Variants in FGF13 observed in about 807,000 individuals in gnomAD.
FGF13 encodes fibroblast growth factor homologous factor 2.
Under a neutral mutation model 19.5 loss-of-function variants are expected in FGF13, and 2 were observed. That is an observed-to-expected ratio of 0.10 (90% CI 0.04 to 0.32). The LOEUF (loss-of-function observed/expected upper bound fraction) is 0.32, where lower values mean the gene tolerates loss of function less well. Ranked by LOEUF, FGF13 falls within the 10% of genes least tolerant of loss-of-function variation. The probability of loss-of-function intolerance (pLI) is 1.00; values close to 1 mark genes in which losing one functional copy is unlikely to be tolerated. For synonymous variants in FGF13, 72 were observed against 76.9 expected (o/e 0.94, Z 0.33); for missense variants, 113 against 192.7 (o/e 0.59, Z 2.45).
At chrX:138,842,598 ATG>A (rs2091156282) in intron 3 of FGF13, among the ~76,000 whole-genome samples, 1 of 110,761 alleles carries the variant, frequency 9.0e-6, no homozygotes, top group Admixed American at 9.7e-5. Context: ...TTCAGAATAT[ATG>A]TGTTTTGTTT....
chrX:138,803,935 T>C (rs1044446192), intron 3 of FGF13, among the ~76,000 whole-genome samples: 1 of 111,677 alleles, frequency 9.0e-6, no homozygotes, highest in African/African-American at 3.3e-5. Flanking sequence ...TGATGCCAAA[T>C]GCAGTGGCAG....
Position 138,980,372 on chromosome X carries a change from T to C in FGF13, c.-112-115722A>G, listed in dbSNP as rs367622169. ...TCCTTGAAACATGTAGCATCCTACCTTTCAAATTCTTAAGTAGAAATCAAA... is the reference window on the plus strand; with the variant it reads ...TCCTTGAAACATGTAGCATCCTACCCTTCAAATTCTTAAGTAGAAATCAAA... On this transcript the variant is annotated intron_variant, in intron 1 of 2. Coordinates refer to the FGF13 transcript ENST00000421460. Among the ~76,000 whole-genome samples, 52 of 111,960 alleles carry C rather than the reference T, an allele frequency of 4.6e-4. No individual in the cohort carries two copies. In the South Asian group the frequency reaches 0.019, roughly 41 times the overall value.
chrX:139,091,892 A>C lies in FGF13; in HGVS notation c.-113+111524T>G, dbSNP rs1376821700. Among the ~76,000 whole-genome samples the C allele has an allele frequency of 2.7e-5, 3 of 109,704 alleles. No individual in the cohort carries two copies. In the South Asian group the frequency reaches 1.2e-3, roughly 44 times the overall value. ...CTATGGACAAGAAGCTAGGGAGGGGAGATTCTGTTCCTTAGCTGTCGTAGT... is the reference window on the plus strand; with the variant it reads ...CTATGGACAAGAAGCTAGGGAGGGGCGATTCTGTTCCTTAGCTGTCGTAGT... On this transcript the variant is annotated intron_variant, in intron 1 of 2. Coordinates refer to the FGF13 transcript ENST00000421460.
intron 1 of FGF13, among the ~76,000 whole-genome samples, chrX:139,028,599 G>GTGTGTGTGTGTGTA: frequency 2.0e-5 from 1 of 49,785 alleles, no homozygotes; most frequent in East Asian, 8.0e-4. Context: ...GTGTGTGTGT[G>GTGTGTGTGTGTGTA]TGTGTGTGTG....
chrX:138,711,601 C>T lies in FGF13; in HGVS notation c.-598G>A, dbSNP rs2090051572. 2.6e-6 allele frequency: 2 copies of T among 755,442 alleles called. No homozygotes were observed. The highest frequency in any genetic ancestry group is 3.0e-4 in the East Asian group (2 of 6,628). The allele number at this position is 755,442 out of a possible 1,213,427, so 62.3% of individuals were successfully genotyped here. A position where few individuals can be genotyped will look rare whatever the true frequency, so the allele number is the denominator to read the frequency against. On this transcript the variant is annotated 5_prime_UTR_variant, in exon 1 of 5. Transcript: ENST00000315930. ...GGAAAAGTTGGCCCGTGCCAGGTTTCCGACAGGGATCAAACAGGTAATGGC... is the reference window on the plus strand; with the variant it reads ...GGAAAAGTTGGCCCGTGCCAGGTTTTCGACAGGGATCAAACAGGTAATGGC...
intron 1 of FGF13, among the ~76,000 whole-genome samples, chrX:139,166,252 G>A (rs1031015642): frequency 2.7e-5 from 3 of 111,557 alleles, no homozygotes; most frequent in Admixed American, 1.9e-4. Flanking sequence ...TGCTATTCTC[G>A]TGATAGTAAG....
At chrX:138,950,417 A>C (rs1420790715) in intron 1 of FGF13, among the ~76,000 whole-genome samples, 1 of 112,169 alleles carries the variant, frequency 8.9e-6, no homozygotes, top group Non-Finnish European at 1.9e-5. Context: ...TAGTGCGTTC[A>C]TATTCTTTGA....
At chrX:138,855,961 ACTG>A (rs1247356884), downstream of FGF13, among the ~76,000 whole-genome samples, 7 of 87,775 alleles carry the variant, frequency 8.0e-5, no homozygotes, top group Admixed American at 8.6e-4. Flanking sequence ...AAGTACAAAA[ACTG>A]TGTGTGTGTG....
chrX:138,868,043 A>G (rs918034413), intron 1 of FGF13, among the ~76,000 whole-genome samples: 1 of 111,573 alleles, frequency 9.0e-6, no homozygotes, highest in Non-Finnish European at 1.9e-5. Context: ...CTTATGGATT[A>G]TCAAATTGAC....
intron 1 of FGF13, among the ~76,000 whole-genome samples, chrX:138,881,194 T>C (rs1181685417): frequency 8.9e-6 from 1 of 111,860 alleles, no homozygotes; most frequent in Non-Finnish European, 1.9e-5. Flanking sequence ...TTATAATAAA[T>C]GGAACTGTTG....
intron 3 of FGF13, among the ~76,000 whole-genome samples, chrX:138,692,642 C>T (rs746421128): frequency 9.0e-6 from 1 of 111,202 alleles, no homozygotes; most frequent in South Asian, 3.8e-4. Flanking sequence ...ATAACTAGTG[C>T]CGTTATAGCA....
intron 1 of FGF13, among the ~76,000 whole-genome samples, chrX:139,054,899 G>GTTGTGTTGTATTGTGTTGTATTGTA (rs1556347171): frequency 1.0e-5 from 1 of 98,925 alleles, no homozygotes; most frequent in African/African-American, 4.1e-5. Flanking sequence ...GTTGTGTTGT[G>GTTGTGTTGTATTGTGTTGTATTGTA]TTGTATTGTA....
chrX:139,199,301 T>C (rs998301333), intron 1 of FGF13, among the ~76,000 whole-genome samples: 1 of 102,469 alleles, frequency 9.8e-6, no homozygotes, highest in African/African-American at 4.3e-5. Flanking sequence ...ATGCACATGG[T>C]TTTTCCCCCC....
At chrX:139,003,920 A>T (rs1177319608) in intron 1 of FGF13, among the ~76,000 whole-genome samples, 4 of 111,503 alleles carry the variant, frequency 3.6e-5, no homozygotes, top group Non-Finnish European at 7.6e-5. Context: ...AGACATAAAG[A>T]CTCTCCACGT....
intron 3 of FGF13, among the ~76,000 whole-genome samples, chrX:138,678,132 G>A (rs1313031886): frequency 9.0e-6 from 1 of 111,128 alleles, no homozygotes; most frequent in Non-Finnish European, 1.9e-5. Flanking sequence ...TGAACAATGA[G>A]AACACATGGA....
At chrX:139,072,835 C>T (rs1450683190) in intron 1 of FGF13, among the ~76,000 whole-genome samples, 1 of 111,753 alleles carries the variant, frequency 8.9e-6, no homozygotes, top group Non-Finnish European at 1.9e-5. Flanking sequence ...TTCTTTCCTT[C>T]TGGAACATTT....
chrX:139,111,101 C>CT (rs2083598101), intron 1 of FGF13, among the ~76,000 whole-genome samples: 1 of 111,916 alleles, frequency 8.9e-6, no homozygotes, highest in African/African-American at 3.3e-5. Context: ...TGAATGTTGA[C>CT]TGCTACAGAT....
In FGF13 at chrX:139,155,050, T is replaced by C. The variant is rs143823901; in HGVS notation, c.-113+48366A>G. Among the ~76,000 whole-genome samples, 909 of 111,740 alleles carry C rather than the reference T, an allele frequency of 8.1e-3. 7 individuals carry two copies. Among genetic ancestry groups the C allele is most frequent in the African/African-American group, 0.028 (862 of 30,740 alleles). On this transcript the variant is annotated intron_variant, in intron 1 of 2. Transcript: ENST00000421460. ...ACATACAAAGCTTGTATGTTCTAGA[T>C]GGAGAATCTCAAACCATGCAGTCTG...
chrX:138,693,023 C>T (rs756922191), intron 3 of FGF13, among the ~76,000 whole-genome samples: 1 of 111,202 alleles, frequency 9.0e-6, no homozygotes, highest in East Asian at 2.8e-4. Context: ...GTCATTCTTA[C>T]ACCTAAAACA....
Sources: allele counts gnomAD v4.1 joint callset (sites outside exome capture counted in the v4.1 genomes callset), GRCh38; gene constraint gnomAD v4.1.1; transcripts MANE v1.5; gene names NCBI Gene and HGNC (gene_info 2026-07-23, HGNC 2026-07-21).